The following CEACAM3 variants were observed in gnomAD, a reference collection of about 807,000 sequenced individuals.
CEACAM3 encodes CEA cell adhesion molecule 3.
CEACAM3 carries 32 observed loss-of-function variants against 30.1 expected under a neutral mutation model. The ratio of observed to expected loss-of-function variants is 1.06; its 90% CI spans 0.80 to 1.43. CEACAM3 has a LOEUF of 1.43. CEACAM3 is among the 40% of genes most tolerant of loss of function. The probability of loss-of-function intolerance (pLI) is 0.00; values close to 1 mark genes in which losing one functional copy is unlikely to be tolerated. For synonymous variants in CEACAM3, 134 were observed against 127.2 expected (o/e 1.05, Z -0.36); for missense variants, 290 against 316.3 (o/e 0.92, Z 0.63).
rs370722501 is a variant in CEACAM3, at chr19:41,805,342, A to C, written c.425-3471A>C. On this transcript the variant is annotated intron_variant, in intron 2 of 6. Transcript: ENST00000357396. ...GTTTTACTCTTGTCACCCAGGCTGG[A>C]GTGCAATGGTGTGATCTTGGCTCAC... 5.3e-5 allele frequency among the ~76,000 whole-genome samples: 7 copies of C among 130,986 alleles called. No individual in the cohort carries two copies. In the South Asian group the frequency reaches 1.6e-3, roughly 31 times the overall value. The allele number at this position is 130,986 out of a possible 152,430, so 85.9% of individuals were successfully genotyped here.
In CEACAM3 at chr19:41,800,391, G is replaced by T. The variant is rs1048625013; in HGVS notation, c.424+2443G>T. On this transcript the variant is annotated intron_variant, in intron 2 of 6. Coordinates refer to ENST00000357396, the MANE Select transcript of CEACAM3 (RefSeq NM_001815.5). ...GCGTAAGTGTCAAGGGAAAACACCC[G>T]CTACTTGGCAGACCGGGAAAGGGAG... is the stretch of plus-strand genomic sequence containing the variant. Among the ~76,000 whole-genome samples, 17 of 152,198 alleles carry T rather than the reference G, an allele frequency of 1.1e-4. No homozygotes were observed. The East Asian group carries it at 3.1e-3, about 28-fold the overall frequency.
rs782283551 is a variant in CEACAM3, at chr19:41,796,638, C to A, written c.-40C>A. The A allele has an allele frequency of 3.7e-5, 59 of 1,609,974 alleles. No homozygotes were observed. The highest frequency in any genetic ancestry group is 4.4e-5 in the Non-Finnish European group (52 of 1,176,380). ...GACTACAGCATTCCTGGAGCCCAGG[C>A]TCTTTTCCACAGAGGAGGAAAGAGC... On this transcript the variant is annotated 5_prime_UTR_variant, in exon 1 of 7. Coordinates refer to ENST00000357396, the MANE Select transcript of CEACAM3 (RefSeq NM_001815.5).
In CEACAM3 at chr19:41,808,866, G is replaced by A. The variant is rs1052529135; in HGVS notation, c.478G>A (p.Val160Ile). ...GGCCGTCGCCGGCATCGTGACCGGG[G>A]TCCTGGTCGGAGTGGCGCTGGTGGC... ...VGAVAGIVTG[V>I]LVGVALVAAL... The change falls in exon 3 of 7, where the codon GTC (valine) becomes ATC (isoleucine). Residue 160 changes from valine to isoleucine, a missense_variant. Physicochemically the swap from Val to Ile is conservative, Grantham distance 29. Transcript: ENST00000357396. 6.2e-7 allele frequency: 1 copy of A among 1,610,884 alleles called. No homozygotes were observed. Among genetic ancestry groups the A allele is most frequent in the Non-Finnish European group, 8.5e-7 (1 of 1,178,438 alleles).
At chr19:41,811,115 G>A (rs1254458577) in intron 6 of CEACAM3, 57 bp from the exon 7 acceptor site, 23 of 1,578,620 alleles carry the variant, frequency 1.5e-5, no homozygotes, top group East Asian at 4.5e-5. Context: ...CCTGGGAGAC[G>A]CCACACCCTG....
chr19:41,809,729 G>T, intron 3 of CEACAM3: 1 of 475,314 alleles, frequency 2.1e-6, no homozygotes, highest in South Asian at 2.8e-5. Context: ...CTGGGTCAAT[G>T]TTCTCCTGGC....
intron 2 of CEACAM3, among the ~76,000 whole-genome samples, chr19:41,803,014 A>G (rs1422198270): frequency 2.0e-5 from 3 of 152,184 alleles, no homozygotes; most frequent in African/African-American, 7.2e-5. Context: ...CCTTTTACCC[A>G]GAATATCATG....
rs145971886 is a variant in CEACAM3 at position 41,805,723 on chromosome 19, G to C, written c.425-3090G>C. 6.4e-3 allele frequency among the ~76,000 whole-genome samples: 980 copies of C among 152,288 alleles called. 4 individuals carry two copies. Among genetic ancestry groups the C allele is most frequent in the South Asian group, 0.011 (55 of 4,828 alleles). On this transcript the variant is annotated intron_variant, in intron 2 of 6. Transcript: ENST00000357396. ...TCCAATGGGAGAAAATATTTGCAAA[G>C]ATTCTTCCCAAATGTCTCTCTCATA...
At chr19:41,801,197 A>G (rs999921073) in intron 2 of CEACAM3, among the ~76,000 whole-genome samples, 2 of 152,028 alleles carry the variant, frequency 1.3e-5, no homozygotes, top group African/African-American at 2.4e-5. Flanking sequence ...CCCTCTAACA[A>G]GACTGGCTGT....
At chr19:41,802,506 A>T (rs947905069) in intron 2 of CEACAM3, among the ~76,000 whole-genome samples, 1 of 152,180 alleles carries the variant, frequency 6.6e-6, no homozygotes, top group Non-Finnish European at 1.5e-5. Context: ...CTGGGGTCAG[A>T]AATCTGAACT....
intron 2 of CEACAM3, among the ~76,000 whole-genome samples, chr19:41,802,402 T>A (rs892150606): frequency 2.0e-5 from 3 of 152,200 alleles, no homozygotes; most frequent in Non-Finnish European, 4.4e-5. Context: ...TCGGTGTTAA[T>A]TGCCCCGCAT....
At chr19:41,806,295 G>A (rs782045913) in intron 2 of CEACAM3, among the ~76,000 whole-genome samples, 40 of 152,154 alleles carry the variant, frequency 2.6e-4, no homozygotes, top group East Asian at 1.9e-3. Context: ...CTCCCCAAGT[G>A]CTGGGATTAC....
intron 2 of CEACAM3, among the ~76,000 whole-genome samples, chr19:41,806,009 T>C (rs2073196502): frequency 6.7e-6 from 1 of 149,572 alleles, no homozygotes; most frequent in Admixed American, 6.6e-5. Context: ...TTGTTGTTTG[T>C]TGTTGTTGTT....
Position 41,808,933 on chromosome 19 carries a change from A to G in CEACAM3, c.542+3A>G, listed in dbSNP as rs2073226507. On this transcript the variant is annotated splice_donor_region_variant and intron_variant, in intron 3 of 6. Coordinates refer to ENST00000357396, the MANE Select transcript of CEACAM3 (RefSeq NM_001815.5). ...CTGCTCCTTGCCAAAACTGGAAGGT[A>G]CCACAGCTTTTTCCCATCCTTCTCC... 6.4e-7 allele frequency: 1 copy of G among 1,563,236 alleles called. No homozygotes were observed. The highest frequency in any genetic ancestry group is 1.9e-5 in the Admixed American group (1 of 52,740).
intron 5 of CEACAM3, 30 bp from the exon 6 acceptor site, chr19:41,810,802 G>A: frequency 1.3e-6 from 2 of 1,583,834 alleles, no homozygotes; most frequent in Non-Finnish European, 1.7e-6. Context: ...TCCAGGCTGG[G>A]CCTCCATGAC....
chr19:41,797,912 G>A lies in CEACAM3; in HGVS notation c.388G>A (p.Val130Met). ...CCTACAAGTCATAAAGTCAGATCTT[G>A]TGAATGAAGAAGCAACTGGACAGTT... ...YTLQVIKSDL[V>M]NEEATGQFHV... Residue 130 changes from valine to methionine, a missense_variant, in exon 2 of 7, where the codon GTG (valine) becomes ATG (methionine). Coordinates refer to ENST00000357396, the MANE Select transcript of CEACAM3 (RefSeq NM_001815.5). The A allele has an allele frequency of 6.2e-7, 1 of 1,611,940 alleles. No homozygotes were observed. The highest frequency in any genetic ancestry group is 8.5e-7 in the Non-Finnish European group (1 of 1,178,944).
intron 2 of CEACAM3, among the ~76,000 whole-genome samples, chr19:41,798,232 G>A (rs1476206759): frequency 2.6e-5 from 4 of 152,182 alleles, no homozygotes; most frequent in South Asian, 2.1e-4. Context: ...GTCTCCCCAT[G>A]GACCTGACCC....
In CEACAM3 at chr19:41,797,193, G is replaced by A. The variant is rs1007182076; in HGVS notation, c.65-396G>A. 2.9e-4 allele frequency: 72 copies of A among 246,370 alleles called. 1 individual carries two copies. The highest frequency in any genetic ancestry group is 1.0e-4 in the Non-Finnish European group (13 of 127,584). 15.3% of individuals were successfully genotyped at this position (246,370 alleles called of 1,614,324 possible). On this transcript the variant is annotated intron_variant, in intron 1 of 6. Coordinates refer to ENST00000357396, the MANE Select transcript of CEACAM3 (RefSeq NM_001815.5). Reference sequence around the variant, plus strand: ...TTCAAAGAGCTTACACTCTTGCAGAGATGAAGATAGACACCCAAAGAGATC... The same window carrying A: ...TTCAAAGAGCTTACACTCTTGCAGAAATGAAGATAGACACCCAAAGAGATC...
At chr19:41,800,666 C>CTGTCTTTGTCTCCTCTCTT (rs1460809591) in intron 2 of CEACAM3, among the ~76,000 whole-genome samples, 1 of 152,120 alleles carries the variant, frequency 6.6e-6, no homozygotes, top group Admixed American at 6.5e-5. Context: ...ATGGCATAAG[C>CTGTCTTTGTCTCCTCTCTT]TGTCTTTCTC....
At chr19:41,807,288 C>G in intron 2 of CEACAM3, 1 of 1,608,536 alleles carries the variant, frequency 6.2e-7, no homozygotes, top group Non-Finnish European at 8.5e-7. Context: ...AGGACCCTCA[C>G]TCTACTCAGT....
Sources: allele counts gnomAD v4.1 joint callset (sites outside exome capture counted in the v4.1 genomes callset), GRCh38; gene constraint gnomAD v4.1.1; transcripts MANE v1.5; gene names NCBI Gene and HGNC (gene_info 2026-07-23, HGNC 2026-07-21).